Variants in GSTO2 observed in about 807,000 individuals in gnomAD.
The protein encoded by GSTO2 is glutathione S-transferase omega 2.
Under a neutral mutation model 28.4 loss-of-function variants are expected in GSTO2, and 23 were observed. That is an observed-to-expected ratio of 0.81 (90% CI 0.58 to 1.15). GSTO2 has a LOEUF of 1.15. GSTO2 is among the 50% of genes most tolerant of loss of function. The pLI, the probability that GSTO2 is intolerant of heterozygous loss-of-function variation, is 0.00. For synonymous variants in GSTO2, 109 were observed against 111.0 expected (o/e 0.98, Z 0.11); for missense variants, 298 against 297.8 (o/e 1.00, Z 0.00).
chr10:104,274,924 G>C lies in GSTO2; in HGVS notation c.9G>C (p.Gly3=), dbSNP rs779211866. Residue 3 remains glycine, a synonymous_variant, in exon 2 of 7, where the codon GGG becomes GGC. Transcript: ENST00000338595. ...CAAACCACCTGGAGACCATGTCTGG[G>C]GATGCGACCAGGACCCTGGGGAAAG... is the stretch of plus-strand genomic sequence containing the variant. MS[G]DATRTLGKGS... The C allele has an allele frequency of 6.2e-7, 1 of 1,609,884 alleles. No individual in the cohort carries two copies. The highest frequency in any genetic ancestry group is 8.5e-7 in the Non-Finnish European group (1 of 1,178,554).
intron 3 of GSTO2, among the ~76,000 whole-genome samples, chr10:104,277,308 T>C (rs1223132028): frequency 6.6e-6 from 1 of 151,770 alleles, no homozygotes; most frequent in Non-Finnish European, 1.5e-5. Context: ...TTTTTTTTTT[T>C]AGATGGAGTT....
intron 3 of GSTO2, among the ~76,000 whole-genome samples, chr10:104,277,450 C>T (rs2011700012): frequency 6.6e-6 from 1 of 152,046 alleles, no homozygotes; most frequent in South Asian, 2.1e-4. Flanking sequence ...TGCCTGGCTA[C>T]TTTTTTGTAT....
intron 5 of GSTO2, among the ~76,000 whole-genome samples, chr10:104,290,800 G>C (rs1470162419): frequency 6.6e-6 from 1 of 151,676 alleles, no homozygotes; most frequent in African/African-American, 2.4e-5. Context: ...ACAAAAAACA[G>C]AAAGAATGAA....
intron 5 of GSTO2, among the ~76,000 whole-genome samples, chr10:104,281,762 G>C (rs1057296686): frequency 6.6e-6 from 1 of 152,108 alleles, no homozygotes; most frequent in Non-Finnish European, 1.5e-5. Flanking sequence ...GACCCTCGAG[G>C]GGCTCAAAGC....
At position 104,300,724 on chromosome 10, in the gene GSTO2, C is replaced by T. The variant is rs909654146; in HGVS notation, c.*1440C>T. 6.6e-6 allele frequency: 1 copy of T among 152,296 alleles called. No homozygotes were observed. The highest frequency in any genetic ancestry group is 2.4e-5 in the African/African-American group (1 of 41,436). 9.4% of individuals were successfully genotyped at this position (152,296 alleles called of 1,614,324 possible). ...ATTTCAGCTTTGCTCATGCTGGATC[C>T]TTTCCCATCCTCCTAGCTGTGCTGA... is the stretch of plus-strand genomic sequence containing the variant. On this transcript the variant is annotated 3_prime_UTR_variant, in exon 7 of 7. Coordinates refer to ENST00000338595, the MANE Select transcript of GSTO2 (RefSeq NM_183239.2).
At chr10:104,271,164 G>T (rs1032512764) in intron 1 of GSTO2, among the ~76,000 whole-genome samples, 1 of 152,188 alleles carries the variant, frequency 6.6e-6, no homozygotes, top group Non-Finnish European at 1.5e-5. Flanking sequence ...AATCTTTCTA[G>T]GGAAAGTATA....
Position 104,299,138 on chromosome 10 carries a change from C to T in GSTO2, c.586C>T (p.His196Tyr). 1 of 1,613,778 alleles carries T rather than the reference C, an allele frequency of 6.2e-7. No individual in the cohort carries two copies. Among genetic ancestry groups the T allele is most frequent in the Non-Finnish European group, 8.5e-7 (1 of 1,179,822 alleles). Residue 196 changes from histidine to tyrosine, a missense_variant, in exon 7 of 7, where the codon CAC becomes TAC. Coordinates refer to ENST00000338595, the MANE Select transcript of GSTO2 (RefSeq NM_183239.2). ...TTTCCTGTCTTGCAGCTGTGTGAGCCACACGCCAGCCCTGCGGCTCTGGAT... is the reference window on the plus strand; with the variant it reads ...TTTCCTGTCTTGCAGCTGTGTGAGCTACACGCCAGCCCTGCGGCTCTGGAT... The part of the protein sequence containing the change: ...DVYGILDCVS[H>Y]TPALRLWISA...
At chr10:104,274,340 T>C (rs2011532000) in intron 1 of GSTO2, among the ~76,000 whole-genome samples, 13 of 152,166 alleles carry the variant, frequency 8.5e-5, no homozygotes, top group Admixed American at 8.5e-4. Flanking sequence ...TCTAGGTGTC[T>C]AGGAGGCACT....
intron 5 of GSTO2, chr10:104,296,781 CT>C (rs926144426): frequency 1.3e-5 from 2 of 150,976 alleles, no homozygotes; most frequent in African/African-American, 2.4e-5. Flanking sequence ...TTTTTCTTTT[CT>C]TTTTTCTTTT....
In GSTO2 at chr10:104,275,295, C is replaced by A; in HGVS notation, c.104C>A (p.Ser35Tyr). The change falls in exon 3 of 7, where the codon TCT (serine) becomes TAT (tyrosine). Residue 35 changes from serine to tyrosine, a missense_variant. Transcript: ENST00000338595. ...TACAGCATGAGGTTCTGCCCCTATTCTCACAGGACCCGCCTCGTCCTCAAG... is the reference window on the plus strand; with the variant it reads ...TACAGCATGAGGTTCTGCCCCTATTATCACAGGACCCGCCTCGTCCTCAAG... The part of the protein sequence containing the change: ...RIYSMRFCPY[S>Y]HRTRLVLKAK... The A allele has an allele frequency of 6.2e-7, 1 of 1,614,086 alleles. No individual in the cohort carries two copies. The highest frequency in any genetic ancestry group is 8.5e-7 in the Non-Finnish European group (1 of 1,180,004).
intron 6 of GSTO2, among the ~76,000 whole-genome samples, chr10:104,298,391 C>T (rs948783200): frequency 1.3e-5 from 2 of 152,202 alleles, no homozygotes; most frequent in African/African-American, 2.4e-5. Context: ...CTTCATAACC[C>T]GTGGGCTGGA....
intron 1 of GSTO2, among the ~76,000 whole-genome samples, chr10:104,273,413 C>T (rs2011501836): frequency 6.6e-6 from 1 of 152,198 alleles, no homozygotes; most frequent in Non-Finnish European, 1.5e-5. Flanking sequence ...GCTTATTTCA[C>T]ATGAAATCAT....
intron 2 of GSTO2, 69 bp from the exon 3 acceptor site, chr10:104,275,157 A>G: frequency 6.5e-7 from 1 of 1,544,376 alleles, no homozygotes; most frequent in Non-Finnish European, 8.7e-7. Flanking sequence ...TGGGCAAGTG[A>G]GCGAGCTCCT....
chr10:104,284,831 G>A (rs996116140), intron 5 of GSTO2, among the ~76,000 whole-genome samples: 1 of 152,166 alleles, frequency 6.6e-6, no homozygotes, highest in Non-Finnish European at 1.5e-5. Flanking sequence ...ATTTCCTTGA[G>A]GCTTTGGAGT....
At position 104,297,635 on chromosome 10, in the gene GSTO2, T is replaced by G. The variant is rs769096491; in HGVS notation, c.526T>G (p.Tyr176Asp). The G allele has an allele frequency of 6.2e-7, 1 of 1,613,968 alleles. No individual in the cohort carries two copies. Among genetic ancestry groups the G allele is most frequent in the South Asian group, 1.1e-5 (1 of 91,090 alleles). ...TGGAACCTGTATATCCATGATTGAT[T>G]ACCTCCTCTGGCCCTGGTTTGAGCG... The part of the protein sequence containing the change: ...FGGTCISMID[Y>D]LLWPWFERLD... Residue 176 changes from tyrosine (Y) to aspartate (D), a missense_variant, in exon 6 of 7, where the codon TAC becomes GAC. Tyr to Asp is a radical substitution (Grantham distance 160). Transcript: ENST00000338595.
At chr10:104,293,577 T>C (rs976780754) in intron 5 of GSTO2, among the ~76,000 whole-genome samples, 9 of 141,136 alleles carry the variant, frequency 6.4e-5, no homozygotes, top group African/African-American at 1.9e-4. Flanking sequence ...TTTTTTTTTT[T>C]TTTTTTTTGC....
Position 104,301,680 on chromosome 10 carries a change from A to G in GSTO2, c.*2396A>G, listed in dbSNP as rs766508764. 6.6e-6 allele frequency: 1 copy of G among 152,182 alleles called. No homozygotes were observed. Among genetic ancestry groups the G allele is most frequent in the African/African-American group, 2.4e-5 (1 of 41,430 alleles). The allele number at this position is 152,182 out of a possible 1,614,324, so 9.4% of individuals were successfully genotyped here. ...ATACAATAATGTAAAAGAATAGAAA[A>G]TCTTCCATTATCTTGTGTCCTAGAG... On this transcript the variant is annotated 3_prime_UTR_variant, in exon 7 of 7. Coordinates refer to ENST00000338595, the MANE Select transcript of GSTO2 (RefSeq NM_183239.2).
intron 1 of GSTO2, among the ~76,000 whole-genome samples, chr10:104,271,431 A>G (rs902602282): frequency 6.6e-6 from 1 of 152,222 alleles, no homozygotes; most frequent in Non-Finnish European, 1.5e-5. Flanking sequence ...CTCTTACTAT[A>G]CTGACGATGC....
rs397787244 is a variant in GSTO2 at position 104,293,563 on chromosome 10, A to ATTTTTTTTTTTTTTTTTTTTTTTTTTTT, written c.469-3993_469-3992insTTTTTTTTTTTTTTTTTTTTTTTTTTTT. Among the ~76,000 whole-genome samples the ATTTTTTTTTTTTTTTTTTTTTTTTTTTT allele has an allele frequency of 1.6e-3, 133 of 81,622 alleles. 24 individuals are homozygous for ATTTTTTTTTTTTTTTTTTTTTTTTTTTT. Among genetic ancestry groups the ATTTTTTTTTTTTTTTTTTTTTTTTTTTT allele is most frequent in the South Asian group, 2.1e-3 (6 of 2,794 alleles). 53.5% of individuals were successfully genotyped at this position (81,622 alleles called of 152,430 possible). A position where few individuals can be genotyped will look rare whatever the true frequency, so the allele number is the denominator to read the frequency against. ...AGGCATGAGCCACTGCGCCTGGCCA[A>ATTTTTTTTTTTTTTTTTTTTTTTTTTTT]TTTTTTTTTTTTTTTTTTTTTTGCG... On this transcript the variant is annotated intron_variant, in intron 5 of 6. Transcript: ENST00000338595.
Sources: allele counts gnomAD v4.1 joint callset (sites outside exome capture counted in the v4.1 genomes callset), GRCh38; gene constraint gnomAD v4.1.1; transcripts MANE v1.5; gene names NCBI Gene and HGNC (gene_info 2026-07-23, HGNC 2026-07-21).